Variants in KIAA1958 observed in about 807,000 individuals in gnomAD.
KIAA1958 encodes KIAA1958.
KIAA1958 carries 14 observed loss-of-function variants against 47.2 expected under a neutral mutation model. The observed-to-expected ratio is 0.30, with a 90% CI of 0.20 to 0.46. The LOEUF (loss-of-function observed/expected upper bound fraction) is 0.46. Among genes scored for constraint, KIAA1958 ranks in the 20% least tolerant of loss-of-function variants. KIAA1958 has a pLI of 1.00. For missense variants in KIAA1958, 803 were observed against 909.2 expected (o/e 0.88, Z 1.50); for synonymous variants, 354 against 353.3 (o/e 1.00, Z -0.02).
Position 112,508,409 on chromosome 9 carries a change from T to G in KIAA1958, c.-25+21291T>G, listed in dbSNP as rs77487260. Among the ~76,000 whole-genome samples, 98 of 152,348 alleles carry G rather than the reference T, an allele frequency of 6.4e-4. No homozygotes were observed. The East Asian group carries it at 0.015, about 23-fold the overall frequency. ...AAAAAGCTTAAATTCTCATTCTATT[T>G]CTAAGGGAATAAAGAGGGAGAATTC... On this transcript the variant is annotated intron_variant, in intron 1 of 3. Coordinates refer to ENST00000337530, the MANE Select transcript of KIAA1958 (RefSeq NM_133465.4).
intron 2 of KIAA1958, among the ~76,000 whole-genome samples, chr9:112,578,754 A>G (rs991062698): frequency 3.3e-5 from 5 of 152,164 alleles, no homozygotes; most frequent in African/African-American, 1.2e-4. Context: ...ATCTATTATT[A>G]GAAGAATTAT....
At chr9:112,556,858 C>T (rs1198360879) in intron 1 of KIAA1958, among the ~76,000 whole-genome samples, 3 of 152,054 alleles carry the variant, frequency 2.0e-5, no homozygotes, top group Non-Finnish European at 4.4e-5. Flanking sequence ...GGTAGTGGGG[C>T]AGGGAGACAC....
At chr9:112,521,604 C>T (rs139920582) in intron 1 of KIAA1958, among the ~76,000 whole-genome samples, 1 of 152,062 alleles carries the variant, frequency 6.6e-6, no homozygotes, top group Non-Finnish European at 1.5e-5. Flanking sequence ...GCATTTCAGT[C>T]ATAAATATGG....
At chr9:112,633,205 CTT>C (rs757103610) in intron 2 of KIAA1958, among the ~76,000 whole-genome samples, 14 of 140,660 alleles carry the variant, frequency 1.0e-4, no homozygotes, top group African/African-American at 7.7e-5. Context: ...TGTTATGATA[CTT>C]TTTTTTTTTT....
intron 2 of KIAA1958, among the ~76,000 whole-genome samples, chr9:112,624,083 A>AC (rs1836560222): frequency 6.6e-6 from 1 of 152,204 alleles, no homozygotes; most frequent in Non-Finnish European, 1.5e-5. Context: ...AGAAATAGAT[A>AC]CCTAAGCCTA....
rs116614878 is a variant in KIAA1958, at chr9:112,504,479, A to G, written c.-25+17361A>G. Among the ~76,000 whole-genome samples, 603 of 152,298 alleles carry G rather than the reference A, an allele frequency of 4.0e-3. 2 individuals carry two copies. The highest frequency in any genetic ancestry group is 0.014 in the African/African-American group (573 of 41,568). On this transcript the variant is annotated intron_variant, in intron 1 of 3. Transcript: ENST00000337530. ...GCTGGAATTGCAGGCGTGAGCCACC[A>G]TGCCCTGCCAAGATTAACTATTTTT...
At chr9:112,579,838 C>CA (rs2131179571) in intron 2 of KIAA1958, among the ~76,000 whole-genome samples, 1 of 152,228 alleles carries the variant, frequency 6.6e-6, no homozygotes, top group South Asian at 2.1e-4. Context: ...TTGTCAGAAG[C>CA]AAAAAATCTG....
chr9:112,491,323 T>C (rs1021449267), intron 1 of KIAA1958, among the ~76,000 whole-genome samples: 6 of 152,200 alleles, frequency 3.9e-5, no homozygotes, highest in African/African-American at 1.4e-4. Context: ...TTAAAAACAT[T>C]AAAAATCTTA....
chr9:112,494,802 T>C (rs1478020383), intron 1 of KIAA1958, among the ~76,000 whole-genome samples: 1 of 152,100 alleles, frequency 6.6e-6, no homozygotes, highest in African/African-American at 2.4e-5. Context: ...TCTTTTTAGT[T>C]TTCACTTCCT....
At chr9:112,621,981 A>C (rs898969507) in intron 2 of KIAA1958, among the ~76,000 whole-genome samples, 3 of 152,098 alleles carry the variant, frequency 2.0e-5, no homozygotes, top group African/African-American at 7.2e-5. Flanking sequence ...GCCTCAAGAG[A>C]TCCTCCTGCC....
intron 2 of KIAA1958, among the ~76,000 whole-genome samples, chr9:112,606,346 T>A (rs544028787): frequency 6.6e-6 from 1 of 152,330 alleles, no homozygotes; most frequent in African/African-American, 2.4e-5. Flanking sequence ...TCATTTCTAA[T>A]TGTTAAATAA....
intron 1 of KIAA1958, among the ~76,000 whole-genome samples, chr9:112,502,874 T>C (rs952037062): frequency 6.6e-6 from 1 of 152,266 alleles, no homozygotes; most frequent in Admixed American, 6.5e-5. Flanking sequence ...GTGACCGATA[T>C]GTCCATCAGT....
intron 2 of KIAA1958, among the ~76,000 whole-genome samples, chr9:112,595,476 C>T (rs536595878): frequency 1.7e-4 from 26 of 152,190 alleles, no homozygotes; most frequent in Admixed American, 1.4e-3. Flanking sequence ...GCCTGGCCAA[C>T]GTGGTGAAAC....
At chr9:112,573,447 C>G (rs1300998404) in intron 1 of KIAA1958, among the ~76,000 whole-genome samples, 1 of 152,202 alleles carries the variant, frequency 6.6e-6, no homozygotes, top group Admixed American at 6.5e-5. Flanking sequence ...GTTCTCCCTT[C>G]TCTGCTTTTC....
Position 112,662,828 on chromosome 9 carries a change from C to T in KIAA1958, c.*2759C>T, listed in dbSNP as rs528728983. 1 of 152,450 alleles carries T rather than the reference C, an allele frequency of 6.6e-6. No homozygotes were observed. The highest frequency in any genetic ancestry group is 1.9e-4 in the East Asian group (1 of 5,172). 9.4% of individuals were successfully genotyped at this position (152,450 alleles called of 1,614,324 possible). On this transcript the variant is annotated 3_prime_UTR_variant, in exon 4 of 4. Coordinates refer to ENST00000337530, the MANE Select transcript of KIAA1958 (RefSeq NM_133465.4). ...AAAATAAAATGGCGAAGCACCTGTC[C>T]ATGTGTTTGGCCAAAGCCGTCCTCC...
At chr9:112,523,848 G>A (rs1834595392) in intron 1 of KIAA1958, among the ~76,000 whole-genome samples, 1 of 152,172 alleles carries the variant, frequency 6.6e-6, no homozygotes, top group African/African-American at 2.4e-5. Flanking sequence ...TGGAGATTTT[G>A]AGTTATTCTT....
At chr9:112,533,392 C>T (rs1395631223) in intron 1 of KIAA1958, among the ~76,000 whole-genome samples, 3 of 145,272 alleles carry the variant, frequency 2.1e-5, no homozygotes, top group East Asian at 2.0e-4. Context: ...CTGGCTAACA[C>T]GGTGAAACCC....
intron 2 of KIAA1958, among the ~76,000 whole-genome samples, chr9:112,621,963 A>T (rs781523192): frequency 6.6e-6 from 1 of 152,104 alleles, no homozygotes; most frequent in Non-Finnish European, 1.5e-5. Context: ...GCTGGTCTCG[A>T]ACTCCTAGCC....
Position 112,618,797 on chromosome 9 carries a change from C to T in KIAA1958, c.1172-26853C>T. The stretch of plus-strand genomic sequence containing the variant: ...CACCTTGTCTGAGGCCCAGAGCAAC[C>T]AGCTCGTGCTGATCTGTAACAATCT... On this transcript the variant is annotated intron_variant, in intron 2 of 3. Coordinates refer to ENST00000337530, the MANE Select transcript of KIAA1958 (RefSeq NM_133465.4). The surrounding 1 kb of genome is among the most constrained non-coding windows in gnomAD (Gnocchi z 7.1). The T allele has an allele frequency of 6.4e-7, 1 of 1,550,630 alleles. No homozygotes were observed. The highest frequency in any genetic ancestry group is 8.7e-7 in the Non-Finnish European group (1 of 1,147,012).
Sources: allele counts gnomAD v4.1 joint callset (sites outside exome capture counted in the v4.1 genomes callset), GRCh38; gene constraint gnomAD v4.1.1; non-coding constraint Gnocchi (gnomAD v3.1); transcripts MANE v1.5; gene names NCBI Gene and HGNC (gene_info 2026-07-23, HGNC 2026-07-21).